The following DNAH3 variants were observed in gnomAD, a reference collection of about 807,000 sequenced individuals.
The protein encoded by DNAH3 is axonemal beta dynein heavy chain 3.
DNAH3 carries 332 observed loss-of-function variants against 432.5 expected under a neutral mutation model. The ratio of observed to expected loss-of-function variants is 0.77; its 90% confidence interval spans 0.70 to 0.84. DNAH3 has a LOEUF of 0.84. Among genes scored for constraint, DNAH3 ranks in the 40% least tolerant of loss-of-function variants. The pLI, the probability that DNAH3 is intolerant of heterozygous loss-of-function variation, is 0.00. For synonymous variants in DNAH3, 1,956 were observed against 1,900.2 expected, an observed-to-expected ratio of 1.03 and a Z score of -0.76; for missense variants, 4,861 against 5,114.0, an observed-to-expected ratio of 0.95 and a Z score of 1.51.
chr16:20,989,304 C>T (rs555687666), intron 44 of DNAH3, among the ~76,000 whole-genome samples: 1 of 151,906 alleles, frequency 6.6e-6, no homozygotes, highest in South Asian at 2.1e-4. Context: ...CAAAGGTTCT[C>T]CAAGGCCCCA....
At chr16:21,131,450 GGAAA>G (rs1225302148) in intron 7 of DNAH3, among the ~76,000 whole-genome samples, 8 of 75,456 alleles carry the variant, frequency 1.1e-4, no homozygotes, top group Non-Finnish European at 1.7e-4. Context: ...AAAGAAAGAA[GGAAA>G]GAAAGGAAGG....
At chr16:21,005,925 T>C (rs912979236) in intron 41 of DNAH3, among the ~76,000 whole-genome samples, 1 of 151,980 alleles carries the variant, frequency 6.6e-6, no homozygotes, top group African/African-American at 2.4e-5. Flanking sequence ...AATTTAATTA[T>C]GTTATATTTT....
At chr16:21,068,919 C>T (rs1567734776) in intron 23 of DNAH3, among the ~76,000 whole-genome samples, 1 of 143,622 alleles carries the variant, frequency 7.0e-6, no homozygotes, top group Admixed American at 7.0e-5. Flanking sequence ...TTTGTATTTG[C>T]TTTTTTTTTT....
chr16:20,979,550 C>T lies in DNAH3; in HGVS notation c.7860-4G>A, dbSNP rs1257984052. On this transcript the variant is annotated splice_region_variant and splice_polypyrimidine_tract_variant and intron_variant, in intron 49 of 61. Transcript: ENST00000261383. ...ATATTTGCACATGGACACGACCCTGCCGAGGACACCAAGGCGGTTAGGCAG... is the reference window on the plus strand; with the variant it reads ...ATATTTGCACATGGACACGACCCTGTCGAGGACACCAAGGCGGTTAGGCAG... 1.9e-6 allele frequency: 3 copies of T among 1,613,918 alleles called. No individual in the cohort carries two copies. In the South Asian group the frequency reaches 3.3e-5, roughly 18 times the overall value.
In DNAH3 at chr16:20,992,992, A is replaced by C. The variant is rs368613568; in HGVS notation, c.6601+4291T>G. On this transcript the variant is annotated intron_variant, in intron 44 of 61. Coordinates refer to ENST00000261383, the Ensembl canonical transcript of DNAH3. ...GCAATTCTCATGTTTCAGCCTCCTGAGTAGCTGGGACTACAGGCTTGCACC... is the reference window on the plus strand; with the variant it reads ...GCAATTCTCATGTTTCAGCCTCCTGCGTAGCTGGGACTACAGGCTTGCACC... 6.6e-5 allele frequency among the ~76,000 whole-genome samples: 10 copies of C among 152,216 alleles called. No homozygotes were observed. In the East Asian group the frequency reaches 1.9e-3, roughly 29 times the overall value.
chr16:21,139,320 C>CTTTTTTTTTTTTTTTTTTTTTTTTTTT lies in DNAH3; in HGVS notation c.696+1189_696+1215dup, dbSNP rs9302391. On this transcript the variant is annotated intron_variant, in intron 5 of 61. Coordinates refer to ENST00000261383, the Ensembl canonical transcript of DNAH3. ...AATGTAGCTTGAGACTTTCCTCATG[C>CTTTTTTTTTTTTTTTTTTTTTTTTTTT]TTTTTTTTTTTTTTTTTTTTTTTTT... 3.4e-4 allele frequency among the ~76,000 whole-genome samples: 10 copies of CTTTTTTTTTTTTTTTTTTTTTTTTTTT among 29,630 alleles called. 3 individuals carry two copies. Among genetic ancestry groups the CTTTTTTTTTTTTTTTTTTTTTTTTTTT allele is most frequent in the East Asian group, 2.8e-3 (2 of 702 alleles). The allele number at this position is 29,630 out of a possible 152,430, so 19.4% of individuals were successfully genotyped here.
intron 8 of DNAH3, among the ~76,000 whole-genome samples, chr16:21,127,106 G>T (rs1374670003): frequency 6.6e-6 from 1 of 152,032 alleles, no homozygotes; most frequent in African/African-American, 2.4e-5. Flanking sequence ...CACAAAACCA[G>T]TCCCTGTGGC....
intron 58 of DNAH3, among the ~76,000 whole-genome samples, chr16:20,943,125 G>C (rs2083890553): frequency 6.6e-6 from 1 of 151,954 alleles, no homozygotes; most frequent in Non-Finnish European, 1.5e-5. Flanking sequence ...CTGTCGCCTA[G>C]GCTGGAGTGC....
Position 21,042,220 on chromosome 16 carries a change from C to T in DNAH3, c.4462-17G>A, listed in dbSNP as rs771138028. ...CACTTCTACCTGGGGTGAGAATGCC[C>T]GGCTGATAAGAGCATCTGCTTCTGT... On this transcript the variant is annotated splice_polypyrimidine_tract_variant and intron_variant, in intron 31 of 61. Coordinates refer to ENST00000261383, the Ensembl canonical transcript of DNAH3. 1.5e-5 allele frequency: 24 copies of T among 1,573,926 alleles called. No homozygotes were observed. The highest frequency in any genetic ancestry group is 1.4e-5 in the African/African-American group (1 of 73,328).
intron 48 of DNAH3, among the ~76,000 whole-genome samples, chr16:20,984,757 C>T (rs937574659): frequency 2.6e-5 from 4 of 152,034 alleles, no homozygotes; most frequent in African/African-American, 9.7e-5. Context: ...CACAGCTACT[C>T]AGGAGGCTGA....
intron 24 of DNAH3, 37 bp from the exon 25 acceptor site, chr16:21,062,720 C>A: frequency 6.4e-7 from 1 of 1,555,308 alleles, no homozygotes; most frequent in Non-Finnish European, 8.8e-7. Flanking sequence ...ACTGGAACCT[C>A]TTCCAAGAAC....
At chr16:21,150,125 T>C (rs1412974549) in intron 1 of DNAH3, among the ~76,000 whole-genome samples, 165 bp downstream of exon 2, 1 of 150,728 alleles carries the variant, frequency 6.6e-6, no homozygotes, top group Non-Finnish European at 1.5e-5. Context: ...CTCAGGAGGC[T>C]GAGGCAGGAG....
rs898011945 is a variant in DNAH3 at position 21,101,356 on chromosome 16, GTGTA to G, written c.2367-2591_2367-2588del. On this transcript the variant is annotated intron_variant, in intron 16 of 61. Transcript: ENST00000261383. ...CCATCGTAAGTCAGTGACTAGCTGT[GTGTA>G]TGTGTGTGTGTATATATGTAAATTC... Among the ~76,000 whole-genome samples the G allele has an allele frequency of 5.3e-5, 8 of 152,278 alleles. No individual in the cohort carries two copies. The South Asian group carries it at 6.2e-4, about 12-fold the overall frequency.
At chr16:21,129,786 G>GC (rs2092519653) in intron 7 of DNAH3, among the ~76,000 whole-genome samples, 1 of 94 alleles carries the variant, frequency 0.011, no homozygotes, top group Non-Finnish European at 0.031. Flanking sequence ...CATCCCATTA[G>GC]TGGACAGGGG....
chr16:20,942,634 TG>T (rs1375593573), intron 58 of DNAH3, among the ~76,000 whole-genome samples: 3 of 152,080 alleles, frequency 2.0e-5, no homozygotes, highest in Middle Eastern at 6.8e-3. Context: ...AGGGAAGGGA[TG>T]GGAGAGGAAG....
At chr16:21,022,551 G>A (rs1021428263) in intron 39 of DNAH3, among the ~76,000 whole-genome samples, 5 of 152,002 alleles carry the variant, frequency 3.3e-5, no homozygotes, top group African/African-American at 1.2e-4. Flanking sequence ...AATTTGGGGG[G>A]CTCATTTTCA....
Position 21,019,852 on chromosome 16 carries a change from C to T in DNAH3, c.5794G>A (p.Glu1932Lys), listed in dbSNP as rs533652637. ...TCACCTAATTCCATTTCCTCCTCTT[C>T]TACTGCCCTGATTTCATCTAAAAGT... Residue 1932 changes from glutamate (E) to lysine (K), a missense_variant, in exon 41 of 62, where the codon GAA becomes AAA. Coordinates refer to ENST00000261383, the Ensembl canonical transcript of DNAH3. 1.1e-4 allele frequency: 173 copies of T among 1,614,152 alleles called. 4 individuals are homozygous for T. The South Asian group carries it at 1.7e-3, about 16-fold the overall frequency.
At chr16:21,040,459 G>C (rs1206052811) in intron 32 of DNAH3, among the ~76,000 whole-genome samples, 1 of 144,102 alleles carries the variant, frequency 6.9e-6, no homozygotes, top group Non-Finnish European at 1.5e-5. Flanking sequence ...CCGCCTCCCA[G>C]GTTCAAGCGA....
At chr16:21,062,614 C>A in exon 25 of DNAH3, 1 of 1,614,140 alleles carries the variant, frequency 6.2e-7, no homozygotes. Context: ...TCAAGTGCGG[C>A]TGCACTCGGA....
Sources: allele counts gnomAD v4.1 joint callset (sites outside exome capture counted in the v4.1 genomes callset), GRCh38; gene constraint gnomAD v4.1.1; transcripts MANE v1.5; gene names NCBI Gene and HGNC (gene_info 2026-07-23, HGNC 2026-07-21).